MNAT1: variants seen among roughly 807,000 people sequenced by gnomAD.
MNAT1 encodes the protein MNAT1 component of CDK activating kinase.
In MNAT1, 43 loss-of-function variants were observed where a neutral mutation model predicts 42.0. The ratio of observed to expected loss-of-function variants is 1.02; its 90% confidence interval spans 0.80 to 1.32. MNAT1 has a LOEUF of 1.32. MNAT1 is among the 40% of genes most tolerant of loss of function. MNAT1 has a pLI of 0.00. For synonymous variants in MNAT1, 118 were observed against 120.0 expected, an observed-to-expected ratio of 0.98 and a Z score of 0.11; for missense variants, 306 against 350.4, an observed-to-expected ratio of 0.87 and a Z score of 1.01.
At chr14:60,888,214 A>C (rs1487659855) in intron 7 of MNAT1, among the ~76,000 whole-genome samples, 1 of 142,784 alleles carries the variant, frequency 7.0e-6, no homozygotes, top group African/African-American at 2.6e-5. Flanking sequence ...ATATTGGCAA[A>C]CCGAATCCAG....
At chr14:60,802,941 T>A (rs930262990) in intron 3 of MNAT1, among the ~76,000 whole-genome samples, 1 of 150,898 alleles carries the variant, frequency 6.6e-6, no homozygotes, top group Non-Finnish European at 1.5e-5. Flanking sequence ...CTTTTTTTTT[T>A]TTTTTTTTTG....
intron 7 of MNAT1, among the ~76,000 whole-genome samples, chr14:60,933,600 GTTT>G (rs2035931227): frequency 6.6e-6 from 1 of 152,098 alleles, no homozygotes; most frequent in Non-Finnish European, 1.5e-5. Flanking sequence ...AAGAATTTTA[GTTT>G]TTAAGAAAAT....
At chr14:60,954,179 T>C (rs2036437287) in intron 7 of MNAT1, among the ~76,000 whole-genome samples, 1 of 152,160 alleles carries the variant, frequency 6.6e-6, no homozygotes, top group South Asian at 2.1e-4. Context: ...TATTTGCCTA[T>C]TCAAGGTCTT....
rs532791677 is a variant in MNAT1 at position 60,939,010 on chromosome 14, T to G, written c.810-29219T>G. Reference sequence around the variant, plus strand: ...ATCCATTTCTTCTAGATTTTCTGATTTATTTGCATAGAGGTGTTTATAGTA... The same window carrying G: ...ATCCATTTCTTCTAGATTTTCTGATGTATTTGCATAGAGGTGTTTATAGTA... On this transcript the variant is annotated intron_variant, in intron 7 of 7. Transcript: ENST00000261245. Among the ~76,000 whole-genome samples the G allele has an allele frequency of 2.0e-3, 305 of 152,374 alleles. 1 individual carries two copies. The highest frequency in any genetic ancestry group is 6.5e-3 in the African/African-American group (270 of 41,592).
chr14:60,932,158 T>C (rs2035901912), intron 7 of MNAT1, among the ~76,000 whole-genome samples: 1 of 152,064 alleles, frequency 6.6e-6, no homozygotes, highest in Non-Finnish European at 1.5e-5. Flanking sequence ...AGAGTTCTGT[T>C]ATCTTTTTTC....
chr14:60,744,503 C>T (rs1896558951), intron 1 of MNAT1, among the ~76,000 whole-genome samples: 1 of 152,150 alleles, frequency 6.6e-6, no homozygotes, highest in African/African-American at 2.4e-5. Context: ...TTTATTTTTG[C>T]ATGTTTACTA....
chr14:60,739,344 T>C (rs542077645), intron 1 of MNAT1, among the ~76,000 whole-genome samples: 3 of 152,102 alleles, frequency 2.0e-5, no homozygotes, highest in South Asian at 2.1e-4. Flanking sequence ...GTGAATATCA[T>C]TGGGCTATCT....
chr14:60,798,256 G>A, intron 3 of MNAT1, 96 bp downstream of exon 3: 1 of 619,012 alleles, frequency 1.6e-6, no homozygotes, highest in Admixed American at 2.8e-5. Flanking sequence ...CCTCTTAACA[G>A]GTTTTGTTGT....
chr14:60,836,843 T>C (rs1185879621), intron 6 of MNAT1, among the ~76,000 whole-genome samples: 1 of 152,122 alleles, frequency 6.6e-6, no homozygotes, highest in South Asian at 2.1e-4. Context: ...ACCCATAGAC[T>C]CCCCTTCCCC....
intron 7 of MNAT1, among the ~76,000 whole-genome samples, chr14:60,953,727 A>G (rs1241983193): frequency 6.6e-6 from 1 of 152,064 alleles, no homozygotes; most frequent in East Asian, 1.9e-4. Flanking sequence ...TGGCTTTACA[A>G]TTTACATTCT....
chr14:60,959,026 C>T (rs1170806230), intron 7 of MNAT1, among the ~76,000 whole-genome samples: 2 of 152,204 alleles, frequency 1.3e-5, no homozygotes, highest in Non-Finnish European at 2.9e-5. Context: ...TCAAGTGACC[C>T]TCCTGCCTCA....
At chr14:60,799,258 G>A (rs1566770602) in intron 3 of MNAT1, 1 of 985,218 alleles carries the variant, frequency 1.0e-6, no homozygotes, top group African/African-American at 1.7e-5. Flanking sequence ...TGTTATCTTA[G>A]CAATCATGAG....
At chr14:60,907,242 G>T (rs546386215) in intron 7 of MNAT1, among the ~76,000 whole-genome samples, 2 of 152,134 alleles carry the variant, frequency 1.3e-5, no homozygotes, top group South Asian at 2.1e-4. Flanking sequence ...AGACCAGCCT[G>T]GCCAACATAG....
chr14:60,745,376 C>T (rs1328667373), intron 1 of MNAT1, among the ~76,000 whole-genome samples: 1 of 152,144 alleles, frequency 6.6e-6, no homozygotes, highest in Non-Finnish European at 1.5e-5. Context: ...CATTTACTTC[C>T]TCCTGTAGTC....
At chr14:60,913,087 C>A (rs143125773) in intron 7 of MNAT1, among the ~76,000 whole-genome samples, 1 of 152,130 alleles carries the variant, frequency 6.6e-6, no homozygotes, top group African/African-American at 2.4e-5. Flanking sequence ...CATCTTCCAC[C>A]GCTGATACCC....
chr14:60,755,685 C>A lies in MNAT1; in HGVS notation c.89+20734C>A, dbSNP rs185763485. On this transcript the variant is annotated intron_variant, in intron 1 of 7. Coordinates refer to ENST00000261245, the MANE Select transcript of MNAT1 (RefSeq NM_002431.4). ...GTAAATAATTTTTCATTAAACCTAG[C>A]GCAGCCAGTTTTCCTTCCAGCATAG... Among the ~76,000 whole-genome samples, 112 of 152,324 alleles carry A rather than the reference C, an allele frequency of 7.4e-4. 1 individual carries two copies. The highest frequency in any genetic ancestry group is 1.4e-3 in the Non-Finnish European group (94 of 68,032).
intron 1 of MNAT1, among the ~76,000 whole-genome samples, chr14:60,736,426 T>C (rs1896311641): frequency 6.6e-6 from 1 of 152,222 alleles, no homozygotes; most frequent in African/African-American, 2.4e-5. Context: ...GGCATTTTAA[T>C]TGGGCAAGTA....
intron 7 of MNAT1, among the ~76,000 whole-genome samples, chr14:60,920,317 G>T (rs1344706054): frequency 1.3e-5 from 2 of 152,120 alleles, no homozygotes; most frequent in East Asian, 3.9e-4. Context: ...TGTCTAGAGG[G>T]CTACTTTCTG....
chr14:60,840,127 T>C (rs1268574083), intron 6 of MNAT1, among the ~76,000 whole-genome samples: 2 of 152,270 alleles, frequency 1.3e-5, no homozygotes, highest in Non-Finnish European at 2.9e-5. Flanking sequence ...TTAAATGTTA[T>C]ACATTTTCTT....
Sources: gnomAD v4.1 joint callset for allele counts (sites outside exome capture counted in the v4.1 genomes callset) on GRCh38, gnomAD v4.1.1 for gene constraint, MANE v1.5 for transcripts, NCBI Gene and HGNC (gene_info 2026-07-23, HGNC 2026-07-21) for gene names.